Variants in AHCTF1 observed in about 807,000 individuals in gnomAD.
AHCTF1 encodes protein ELYS.
A neutral mutation model predicts 248.4 loss-of-function variants in AHCTF1; 24 were observed. That is an observed-to-expected ratio of 0.10 (90% CI 0.07 to 0.14). The LOEUF is 0.14. AHCTF1 is among the 10% of genes least tolerant of loss of function. The probability of loss-of-function intolerance (pLI) is 1.00; values close to 1 mark genes in which losing one functional copy is unlikely to be tolerated. For missense variants in AHCTF1, 2,206 were observed against 2,636.2 expected (o/e 0.84, Z 3.57); for synonymous variants, 786 against 929.8 (o/e 0.85, Z 2.81).
At chr1:246,902,296 T>G (rs1691256) in intron 8 of AHCTF1, among the ~76,000 whole-genome samples, 6,577 of 152,240 alleles carry the variant, frequency 0.043, 485 homozygotes, top group African/African-American at 0.15. Flanking sequence ...TTTTGAGAAC[T>G]AGATTAAAAT....
Position 246,876,024 on chromosome 1 carries a change from A to G in AHCTF1, c.3088+13T>C. On this transcript the variant is annotated intron_variant, in intron 24 of 35. Transcript: ENST00000648844. ...ATCCAATAGATTATGATATTCTTCA[A>G]TGAAATTCTTACCTAATCGAAAAAC... 1 of 1,574,840 alleles carries G rather than the reference A, an allele frequency of 6.3e-7. No homozygotes were observed. The highest frequency in any genetic ancestry group is 1.2e-5 in the South Asian group (1 of 85,502).
chr1:246,853,492 T>C (rs1660872787), intron 31 of AHCTF1, among the ~76,000 whole-genome samples, 193 bp from the exon 32 acceptor site: 1 of 152,182 alleles, frequency 6.6e-6, no homozygotes, highest in African/African-American at 2.4e-5. Flanking sequence ...AAGGTAAATT[T>C]CACATTTAAA....
chr1:246,869,298 G>C (rs573213082), intron 24 of AHCTF1, among the ~76,000 whole-genome samples: 1 of 152,118 alleles, frequency 6.6e-6, no homozygotes, highest in Non-Finnish European at 1.5e-5. Flanking sequence ...TATTCCTTGA[G>C]ACTGACAATA....
Position 246,853,154 on chromosome 1 carries a change from A to G in AHCTF1, c.4500T>C (p.Ser1500=). The change falls in exon 32 of 36, where the codon AGT becomes AGC. Residue 1500 remains serine (S), a synonymous_variant. Coordinates refer to ENST00000648844, the MANE Select transcript of AHCTF1 (RefSeq NM_001323342.2). ...GAAGCTTTTCTTCTGGTAAGTCAAC[A>G]CTTTCTTTTAGTACACCAACTTCTA... The part of the protein sequence containing the change: ...HEVEVGVLKE[S]VDLPEEKLPI... 1.2e-6 allele frequency: 2 copies of G among 1,612,792 alleles called. No individual in the cohort carries two copies. The highest frequency in any genetic ancestry group is 1.7e-6 in the Non-Finnish European group (2 of 1,179,384).
Position 246,861,292 on chromosome 1 carries a change from C to T in AHCTF1, c.3739G>A (p.Ala1247Thr). 4 of 1,602,492 alleles carry T rather than the reference C, an allele frequency of 2.5e-6. No homozygotes were observed. Among genetic ancestry groups the T allele is most frequent in the Middle Eastern group, 1.7e-4 (1 of 5,740 alleles). ...AATACTTCTAATTTGCTATCATCTG[C>T]AGCCTGTAAAGTAAGATTTTGAAAA... ...DVHPKWIPGA[A>T]DDSKLEVFTT... is the part of the protein sequence containing the mutation. The change falls in exon 29 of 36, where the codon GCA (alanine) becomes ACA (threonine). Residue 1247 changes from alanine (A) to threonine (T), a missense_variant. Coordinates refer to ENST00000648844, the MANE Select transcript of AHCTF1 (RefSeq NM_001323342.2).
chr1:246,910,360 T>TA (rs976074441), intron 4 of AHCTF1, among the ~76,000 whole-genome samples: 6 of 152,350 alleles, frequency 3.9e-5, no homozygotes, highest in Admixed American at 3.9e-4. Flanking sequence ...AATCCAAATG[T>TA]AAAAAGATGC....
At chr1:246,857,854 AT>A in intron 29 of AHCTF1, 40 bp from the exon 30 acceptor site, 1 of 1,547,366 alleles carries the variant, frequency 6.5e-7, no homozygotes, top group African/African-American at 1.4e-5. Context: ...TATGCTAAAT[AT>A]TTAGTGATTA....
chr1:246,861,654 G>T (rs1038908518), intron 28 of AHCTF1, among the ~76,000 whole-genome samples: 2 of 152,110 alleles, frequency 1.3e-5, no homozygotes, highest in Non-Finnish European at 2.9e-5. Flanking sequence ...AAAGATAAAA[G>T]AAGGACTAAA....
chr1:246,882,593 T>C (rs1663527913), intron 21 of AHCTF1, among the ~76,000 whole-genome samples: 1 of 152,298 alleles, frequency 6.6e-6, no homozygotes, highest in African/African-American at 2.4e-5. Flanking sequence ...GAAATCATTA[T>C]CCAACCTGAG....
chr1:246,854,474 A>AGTT (rs1338960841), intron 31 of AHCTF1, among the ~76,000 whole-genome samples: 2 of 152,318 alleles, frequency 1.3e-5, no homozygotes, highest in East Asian at 3.9e-4. Context: ...ATAAGCAATT[A>AGTT]GTTAAGCATG....
At chr1:246,900,501 A>G in intron 8 of AHCTF1, 32 bp from the exon 9 acceptor site, 1 of 1,572,052 alleles carries the variant, frequency 6.4e-7, no homozygotes, top group South Asian at 1.2e-5. Flanking sequence ...TAAAAACAGA[A>G]TAAAGAATCT....
At position 246,887,447 on chromosome 1, in the gene AHCTF1, TA is replaced by T. The variant is rs547468350; in HGVS notation, c.2326-91del. 195 of 1,298,564 alleles carry T rather than the reference TA, an allele frequency of 1.5e-4. No individual in the cohort carries two copies. The African/African-American group carries it at 2.6e-3, about 18-fold the overall frequency. 80.4% of individuals were successfully genotyped at this position (1,298,564 alleles called of 1,614,324 possible). On this transcript the variant is annotated intron_variant, in intron 19 of 35. Transcript: ENST00000648844. ...AATAGGTAGCAACAAAATGTAGCAT[TA>T]AAAGAGACTTGAAATGCCTGTTTTT...
At chr1:246,898,150 TAGAA>T in intron 12 of AHCTF1, 54 bp downstream of exon 12, 3 of 1,599,358 alleles carry the variant, frequency 1.9e-6, no homozygotes, top group Non-Finnish European at 2.6e-6. Flanking sequence ...TTTACTGTAA[TAGAA>T]AGCTAATAAC....
rs2103057713 is a variant in AHCTF1 at position 246,857,715 on chromosome 1, A to G, written c.4232T>C (p.Leu1411Pro). Reference protein sequence around the residue: ...LSPVQGTEASLCAPSVYEGKI... With the variant: ...LSPVQGTEASPCAPSVYEGKI... The stretch of plus-strand genomic sequence containing the variant: ...CCCTTCATAGACTGATGGTGCACAA[A>G]GAGAAGCTTCAGTTCCTTGAACCGG... Residue 1411 changes from leucine to proline, a missense_variant, in exon 30 of 36, where the codon CTT becomes CCT. Leu to Pro is a moderately conservative substitution (Grantham distance 98). This residue lies in a region of AHCTF1 where 955 missense variants were observed against 1,055.6 expected (regional missense o/e 0.90). Transcript: ENST00000648844. The G allele has an allele frequency of 6.2e-7, 1 of 1,613,452 alleles. No individual in the cohort carries two copies. Among genetic ancestry groups the G allele is most frequent in the Non-Finnish European group, 8.5e-7 (1 of 1,179,970 alleles).
At chr1:246,867,573 G>A in intron 25 of AHCTF1, 88 bp downstream of exon 25, 1 of 1,482,774 alleles carries the variant, frequency 6.7e-7, no homozygotes, top group African/African-American at 1.4e-5. Context: ...ATAAACTTAG[G>A]CAAAGAGAGT....
intron 35 of AHCTF1, 117 bp downstream of exon 35, chr1:246,842,575 CTG>C (rs1659952396): frequency 2.7e-6 from 2 of 733,908 alleles, no homozygotes; most frequent in Non-Finnish European, 3.7e-6. Context: ...GACCGAGACT[CTG>C]TCTCAAAAAA....
At chr1:246,868,217 C>T (rs1365625213) in intron 24 of AHCTF1, among the ~76,000 whole-genome samples, 1 of 151,862 alleles carries the variant, frequency 6.6e-6, no homozygotes, top group East Asian at 1.9e-4. Flanking sequence ...CAACCTCTGC[C>T]TGCCAGACTC....
At position 246,843,787 on chromosome 1, in the gene AHCTF1, T is replaced by C; in HGVS notation, c.6525+8A>G. On this transcript the variant is annotated splice_region_variant and intron_variant, in intron 34 of 35. Transcript: ENST00000648844. The stretch of plus-strand genomic sequence containing the variant: ...ACAAACATACAAATAAAATCATGCA[T>C]TTCTTACCAGTTCATCTTCAAGCTT... 1 of 1,412,300 alleles carries C rather than the reference T, an allele frequency of 7.1e-7. No homozygotes were observed. The highest frequency in any genetic ancestry group is 9.3e-7 in the Non-Finnish European group (1 of 1,076,924). 87.5% of individuals were successfully genotyped at this position (1,412,300 alleles called of 1,614,324 possible).
intron 20 of AHCTF1, among the ~76,000 whole-genome samples, chr1:246,886,919 TCCC>T (rs1055172572): frequency 3.3e-5 from 5 of 152,158 alleles, no homozygotes; most frequent in Admixed American, 6.5e-5. Context: ...CTTCCATGGT[TCCC>T]CCAACACCCC....
Sources: gnomAD v4.1 joint callset for allele counts (sites outside exome capture counted in the v4.1 genomes callset) on GRCh38, gnomAD v4.1.1 for gene constraint, gnomAD v4.1.1 regional missense constraint, MANE v1.5 for transcripts, NCBI Gene and HGNC (gene_info 2026-07-23, HGNC 2026-07-21) for gene names.